Variants in DLG2 observed in about 807,000 individuals in gnomAD.
The protein encoded by DLG2 is disks large homolog 2.
DLG2 carries 45 observed loss-of-function variants against 132.5 expected under a neutral mutation model. That is an observed-to-expected ratio of 0.34 (90% confidence interval 0.27 to 0.44). The LOEUF is 0.44. DLG2 is among the 20% of genes least tolerant of loss of function. The pLI is 1.00. For missense variants in DLG2, 1,045 were observed against 1,196.9 expected (o/e 0.87, Z 1.87); for synonymous variants, 424 against 419.6 (o/e 1.01, Z -0.13).
chr11:85,539,571 T>C (rs1366018591), intron 3 of DLG2, among the ~76,000 whole-genome samples: 1 of 152,166 alleles, frequency 6.6e-6, no homozygotes, highest in Non-Finnish European at 1.5e-5. Context: ...TGGAGCTAGT[T>C]ACTGATGATA....
At chr11:84,462,671 G>A (rs1368758849) in intron 7 of DLG2, among the ~76,000 whole-genome samples, 1 of 151,036 alleles carries the variant, frequency 6.6e-6, no homozygotes, top group African/African-American at 2.4e-5. Flanking sequence ...CAATAGGAGT[G>A]GCTTATTACT....
chr11:84,854,956 C>T (rs147903543), intron 6 of DLG2, among the ~76,000 whole-genome samples: 74 of 152,106 alleles, frequency 4.9e-4, no homozygotes, highest in African/African-American at 1.6e-3. Flanking sequence ...TATTTTTAAA[C>T]CTCTCTAAGT....
chr11:85,065,565 AT>A (rs34936538), intron 6 of DLG2, among the ~76,000 whole-genome samples: 30,399 of 150,732 alleles, frequency 0.2, 3,458 homozygotes, highest in Middle Eastern at 0.28. Context: ...TTTATTAAAA[AT>A]TTTTTTTATT....
chr11:84,235,464 A>G (rs1266094718), intron 8 of DLG2, among the ~76,000 whole-genome samples: 1 of 152,112 alleles, frequency 6.6e-6, no homozygotes, highest in Non-Finnish European at 1.5e-5. Flanking sequence ...GGATCACTTG[A>G]GCCCAGGAGC....
chr11:85,514,027 A>G lies in DLG2; in HGVS notation c.40+84630T>C, dbSNP rs891423740. Among the ~76,000 whole-genome samples, 19 of 151,970 alleles carry G rather than the reference A, an allele frequency of 1.3e-4. 1 individual carries two copies. Among genetic ancestry groups the G allele is most frequent in the Admixed American group, 1.1e-3 (16 of 15,218 alleles). ...ACACCTTCTGGGTGTTTTTCCAACT[A>G]CTAGTTCCTTCTCCCTTGTAATACA... On this transcript the variant is annotated intron_variant, in intron 3 of 27. Transcript: ENST00000376104.
intron 3 of DLG2, among the ~76,000 whole-genome samples, chr11:85,322,131 C>T (rs2081115298): frequency 6.6e-6 from 1 of 152,070 alleles, no homozygotes; most frequent in Non-Finnish European, 1.5e-5. Context: ...TAAATAGATA[C>T]ACTCCACCTT....
chr11:85,203,561 T>A (rs1362638306), intron 4 of DLG2, among the ~76,000 whole-genome samples: 1 of 151,882 alleles, frequency 6.6e-6, no homozygotes, highest in Admixed American at 6.6e-5. Flanking sequence ...AAGTCTCCTA[T>A]CAAAAAAATG....
intron 6 of DLG2, among the ~76,000 whole-genome samples, chr11:84,928,955 GA>G (rs1457470226): frequency 2.2e-5 from 2 of 92,158 alleles, no homozygotes; most frequent in African/African-American, 9.5e-5. Flanking sequence ...AATACTCTCT[GA>G]TATGTGTGTG....
In DLG2 at chr11:83,825,152, CAT is replaced by C. The variant is rs1555012392; in HGVS notation, c.1722+8460_1722+8461del. 5.3e-3 allele frequency among the ~76,000 whole-genome samples: 424 copies of C among 80,306 alleles called. 6 individuals carry two copies. Among genetic ancestry groups the C allele is most frequent in the Non-Finnish European group, 7.9e-3 (325 of 40,992 alleles). The allele number at this position is 80,306 out of a possible 152,430, so 52.7% of individuals were successfully genotyped here. On this transcript the variant is annotated intron_variant, in intron 17 of 27. Transcript: ENST00000376104. ...ATATATACACACACACACACACACA[CAT>C]ATATATATATATATATATTTTTTTT...
At chr11:84,884,777 T>C (rs1319406614) in intron 6 of DLG2, among the ~76,000 whole-genome samples, 1 of 152,074 alleles carries the variant, frequency 6.6e-6, no homozygotes, top group Non-Finnish European at 1.5e-5. Flanking sequence ...CAATTTCAGT[T>C]ACTTGTGGCC....
chr11:83,967,654 G>A (rs531663504), intron 12 of DLG2, among the ~76,000 whole-genome samples: 3 of 152,010 alleles, frequency 2.0e-5, no homozygotes, highest in African/African-American at 7.2e-5. Context: ...CAGATATATG[G>A]TTTGCAATTT....
intron 15 of DLG2, among the ~76,000 whole-genome samples, chr11:83,879,045 A>G (rs2065470758): frequency 6.6e-6 from 1 of 152,202 alleles, no homozygotes; most frequent in Admixed American, 6.5e-5. Context: ...TGCCTAAAAA[A>G]TGAAATTTGA....
At chr11:83,894,931 T>A (rs2071128553) in intron 15 of DLG2, among the ~76,000 whole-genome samples, 1 of 151,932 alleles carries the variant, frequency 6.6e-6, no homozygotes, top group Non-Finnish European at 1.5e-5. Flanking sequence ...ATTTAAATAA[T>A]TACCTACAGT....
At chr11:84,196,623 G>A (rs1040462888) in intron 8 of DLG2, among the ~76,000 whole-genome samples, 1 of 152,052 alleles carries the variant, frequency 6.6e-6, no homozygotes, top group Non-Finnish European at 1.5e-5. Flanking sequence ...TGGTATTTTA[G>A]GAAGATTGAC....
intron 9 of DLG2, among the ~76,000 whole-genome samples, chr11:84,131,760 A>G (rs2094432764): frequency 6.6e-6 from 1 of 151,910 alleles, no homozygotes; most frequent in African/African-American, 2.4e-5. Context: ...CCAAACAGTG[A>G]TGTTTTTTCT....
At chr11:83,580,250 A>C (rs1039558201) in intron 19 of DLG2, among the ~76,000 whole-genome samples, 4 of 151,978 alleles carry the variant, frequency 2.6e-5, no homozygotes, top group Admixed American at 6.6e-5. Context: ...TTTTTCCTCT[A>C]CTTTGGTTCC....
At position 83,930,373 on chromosome 11, in the gene DLG2, T is replaced by C; in HGVS notation, c.1451A>G (p.Tyr484Cys). Residue 484 changes from tyrosine to cysteine, a missense_variant, in exon 15 of 28, where the codon TAT (tyrosine) becomes TGT (cysteine). By Grantham distance (194) the Tyr-to-Cys change is radical (BLOSUM62 -2). Around this residue, in one of 4 missense-constraint regions of DLG2, gnomAD observed 261 missense variants for 256.1 expected, o/e 1.02. Coordinates refer to ENST00000376104, the MANE Select transcript of DLG2 (RefSeq NM_001142699.3). ...TAGCAGGCCTAGGTGGTAGTGGGAATAGGGAGCTGAGAGGAGGAAGCTTTT... is the reference window on the plus strand; with the variant it reads ...TAGCAGGCCTAGGTGGTAGTGGGAACAGGGAGCTGAGAGGAGGAAGCTTTT... ...CDKSFLLSAP[Y>C]SHYHLGLLPD... 6.2e-7 allele frequency: 1 copy of C among 1,613,944 alleles called. No individual in the cohort carries two copies. The highest frequency in any genetic ancestry group is 8.5e-7 in the Non-Finnish European group (1 of 1,179,910).
At chr11:83,666,703 C>G (rs867169985) in intron 18 of DLG2, among the ~76,000 whole-genome samples, 1 of 152,118 alleles carries the variant, frequency 6.6e-6, no homozygotes, top group Non-Finnish European at 1.5e-5. Flanking sequence ...TTATAACTAT[C>G]TAATAAAGTG....
chr11:85,545,584 T>A (rs1437359782), intron 3 of DLG2, among the ~76,000 whole-genome samples: 1 of 152,208 alleles, frequency 6.6e-6, no homozygotes, highest in Non-Finnish European at 1.5e-5. Flanking sequence ...TCCTTGTACC[T>A]CTGGTAGAAT....
Sources: allele counts gnomAD v4.1 joint callset (sites outside exome capture counted in the v4.1 genomes callset), GRCh38; gene constraint gnomAD v4.1.1; regional missense constraint gnomAD v4.1.1; transcripts MANE v1.5; gene names NCBI Gene and HGNC (gene_info 2026-07-23, HGNC 2026-07-21).